ACAT1: variants seen among roughly 807,000 people sequenced by gnomAD.
ACAT1 encodes the protein acetyl-CoA acetyltransferase, mitochondrial.
ACAT1 carries 28 observed loss-of-function variants against 47.3 expected under a neutral mutation model. The ratio of observed to expected loss-of-function variants is 0.59; its 90% CI spans 0.44 to 0.81. The LOEUF (loss-of-function observed/expected upper bound fraction) is 0.81. Among genes scored for constraint, ACAT1 ranks in the 30% least tolerant of loss-of-function variants. ACAT1 has a pLI of 0.00. For synonymous variants in ACAT1, 181 were observed against 173.6 expected, an observed-to-expected ratio of 1.04 and a Z score of -0.34; for missense variants, 469 against 524.3, an observed-to-expected ratio of 0.89 and a Z score of 1.03.
At chr11:108,143,776 C>A in intron 9 of ACAT1, 11 of 283,808 alleles carry the variant, frequency 3.9e-5, no homozygotes, top group Admixed American at 9.8e-5. Context: ...GGCAAATACC[C>A]CCAAACTCCC....
intron 7 of ACAT1, among the ~76,000 whole-genome samples, chr11:108,141,369 C>CAAAAA (rs60002941): frequency 0.043 from 2,985 of 69,236 alleles, 274 homozygotes; most frequent in East Asian, 0.22. Context: ...AACCCTGCCT[C>CAAAAA]AAAAAAAAAA....
chr11:108,139,392 A>T (rs1322851893), intron 6 of ACAT1, among the ~76,000 whole-genome samples: 2 of 151,968 alleles, frequency 1.3e-5, no homozygotes, highest in Non-Finnish European at 2.9e-5. Context: ...GGAGTTTGAG[A>T]CCGGCTTGGC....
chr11:108,131,879 TA>T (rs1473172108), intron 1 of ACAT1, 27 bp from the exon 2 acceptor site: 1 of 1,090,006 alleles, frequency 9.2e-7, no homozygotes, highest in Non-Finnish European at 1.3e-6. Context: ...TTTTTTACAT[TA>T]TAACATTATA....
rs571978389 is a variant in ACAT1 at position 108,131,733 on chromosome 11, T to C, written c.73-174T>C. 4.5e-4 allele frequency among the ~76,000 whole-genome samples: 69 copies of C among 152,206 alleles called. 1 individual carries two copies. The highest frequency in any genetic ancestry group is 1.5e-3 in the African/African-American group (63 of 41,548). On this transcript the variant is annotated intron_variant, in intron 1 of 11. Coordinates refer to ENST00000265838, the MANE Select transcript of ACAT1 (RefSeq NM_000019.4). ...AATAGTTAATTAGAAAAGTTTATTA[T>C]AAAGCAGTCATTTTTTTCTAATTGT...
upstream of ACAT1, among the ~76,000 whole-genome samples, chr11:108,120,163 G>A (rs920577267): frequency 2.0e-5 from 3 of 151,820 alleles, no homozygotes; most frequent in South Asian, 2.1e-4. Flanking sequence ...TCAAGATCGC[G>A]CCTGGGTGAC....
At chr11:108,129,262 C>T (rs2077311037) in intron 1 of ACAT1, 2 of 152,204 alleles carry the variant, frequency 1.3e-5, no homozygotes, top group Admixed American at 6.5e-5. Context: ...ATATATACCA[C>T]ATTTGCTTTA....
At chr11:108,146,180 T>A in intron 10 of ACAT1, 22 bp from the exon 11 acceptor site, 1 of 1,570,764 alleles carries the variant, frequency 6.4e-7, no homozygotes. Context: ...TTGAACATCA[T>A]CTGTCTTTTA....
chr11:108,140,951 T>A (rs1185758170), intron 7 of ACAT1, among the ~76,000 whole-genome samples: 1 of 152,078 alleles, frequency 6.6e-6, no homozygotes, highest in Non-Finnish European at 1.5e-5. Flanking sequence ...TGTGGCTGGG[T>A]GCAGTGGCTC....
At chr11:108,138,481 C>T (rs1347218888) in intron 5 of ACAT1, among the ~76,000 whole-genome samples, 1 of 152,012 alleles carries the variant, frequency 6.6e-6, no homozygotes, top group Admixed American at 6.6e-5. Context: ...ACAGCAACCT[C>T]TGCCTCCCAG....
intron 10 of ACAT1, 81 bp from the exon 11 acceptor site, chr11:108,146,121 C>T (rs1361866269): frequency 1.1e-5 from 13 of 1,180,138 alleles, no homozygotes; most frequent in Admixed American, 3.5e-5. Flanking sequence ...TTATGTCAAA[C>T]TGTAGTATTT....
chr11:108,121,521 G>A, upstream of ACAT1: 3 of 1,423,672 alleles, frequency 2.1e-6, no homozygotes, highest in South Asian at 3.7e-5. Context: ...GATGGGCGGT[G>A]CCCGCGCCGG....
intron 11 of ACAT1, among the ~76,000 whole-genome samples, chr11:108,146,652 G>A (rs938466161): frequency 3.3e-5 from 5 of 152,108 alleles, no homozygotes; most frequent in African/African-American, 7.2e-5. Flanking sequence ...CGTGGGTTTT[G>A]GTTACATGGA....
intron 11 of ACAT1, 48 bp from the exon 12 acceptor site, chr11:108,147,222 C>A: frequency 6.2e-7 from 1 of 1,606,928 alleles, no homozygotes; most frequent in South Asian, 1.1e-5. Flanking sequence ...TTTGGTTAGT[C>A]ATAAATTCTG....
At position 108,140,084 on chromosome 11, in the gene ACAT1, C is replaced by T; in HGVS notation, c.599C>T (p.Thr200Ile). Residue 200 changes from threonine (T) to isoleucine (I), a missense_variant, in exon 7 of 12, where the codon ACA (threonine) becomes ATA (isoleucine). Transcript: ENST00000265838. The stretch of plus-strand genomic sequence containing the variant: ...TATCAGGGCAGCTGTGCTGAGAATA[C>T]AGCAAAGAAGCTGAATATTGCACGA... ...KIHMGSCAEN[T>I]AKKLNIARNE... 6.2e-7 allele frequency: 1 copy of T among 1,614,052 alleles called. No homozygotes were observed. Among genetic ancestry groups the T allele is most frequent in the Non-Finnish European group, 8.5e-7 (1 of 1,179,914 alleles).
Position 108,131,912 on chromosome 11 carries a change from A to G in ACAT1, c.78A>G (p.Ile26Met). ...TATAAATATTTATATTACAGGAAATAAGATATGTGGAACGGAGTTATGTAT... is the reference window on the plus strand; with the variant it reads ...TATAAATATTTATATTACAGGAAATGAGATATGTGGAACGGAGTTATGTAT... ...SPLLRRLVQE[I>M]RYVERSYVSK... Residue 26 changes from isoleucine (I) to methionine (M), a missense_variant, in exon 2 of 12, where the codon ATA becomes ATG. By Grantham distance (10) the Ile-to-Met change is conservative. Coordinates refer to ENST00000265838, the MANE Select transcript of ACAT1 (RefSeq NM_000019.4). 7.1e-7 allele frequency: 1 copy of G among 1,400,858 alleles called. No individual in the cohort carries two copies. The highest frequency in any genetic ancestry group is 1.8e-5 in the Admixed American group (1 of 56,424). The allele number at this position is 1,400,858 out of a possible 1,614,324, so 86.8% of individuals were successfully genotyped here. A position where few individuals can be genotyped will look rare whatever the true frequency, so the allele number is the denominator to read the frequency against.
At chr11:108,139,906 C>A (rs954464508) in intron 6 of ACAT1, 159 bp from the exon 7 acceptor site, 1 of 783,100 alleles carries the variant, frequency 1.3e-6, no homozygotes, top group African/African-American at 1.7e-5. Context: ...CTGCCTTGGC[C>A]CCCCAAAGTG....
intron 5 of ACAT1, chr11:108,136,090 C>T (rs1363334922): frequency 2.9e-6 from 2 of 701,312 alleles, no homozygotes; most frequent in Non-Finnish European, 2.6e-6. Context: ...AGACAGGCTC[C>T]TTAGCAAAAA....
chr11:108,126,824 T>TG (rs35035468), intron 1 of ACAT1, among the ~76,000 whole-genome samples: 139,130 of 139,886 alleles, frequency 0.99, 69,197 homozygotes, highest in Middle Eastern at 1. Context: ...GATGGAGTCT[T>TG]CTCTGTCACC....
chr11:108,140,033 G>A (rs1488311656), intron 6 of ACAT1, 32 bp from the exon 7 acceptor site: 2 of 1,599,630 alleles, frequency 1.3e-6, no homozygotes, highest in Non-Finnish European at 1.7e-6. Context: ...ATTATGCAAA[G>A]TTAACTTTAA....
Sources: allele counts gnomAD v4.1 joint callset (sites outside exome capture counted in the v4.1 genomes callset), GRCh38; gene constraint gnomAD v4.1.1; transcripts MANE v1.5; gene names NCBI Gene and HGNC (gene_info 2026-07-23, HGNC 2026-07-21).